Variants in IRAK1BP1 observed in about 807,000 individuals in gnomAD.
The protein encoded by IRAK1BP1 is interleukin-1 receptor-associated kinase 1-binding protein 1.
IRAK1BP1 carries 24 observed loss-of-function variants against 28.0 expected under a neutral mutation model. That is an observed-to-expected ratio of 0.86 (90% CI 0.62 to 1.20). The LOEUF (loss-of-function observed/expected upper bound fraction) is 1.20, where lower values mean the gene tolerates loss of function less well. IRAK1BP1 is among the 50% of genes most tolerant of loss of function. IRAK1BP1 has a pLI of 0.00. For synonymous variants in IRAK1BP1, 131 were observed against 116.3 expected, an observed-to-expected ratio of 1.13 and a Z score of -0.81; for missense variants, 336 against 316.7, an observed-to-expected ratio of 1.06 and a Z score of -0.46.
chr6:78,871,456 A>T, intron 1 of IRAK1BP1: 1 of 985,548 alleles, frequency 1.0e-6, no homozygotes, highest in Non-Finnish European at 1.2e-6. Context: ...ACAACAGACC[A>T]CCTCAGCCAC....
At position 78,893,272 on chromosome 6, in the gene IRAK1BP1, G is replaced by GTA. The variant is rs1413582870; in HGVS notation, c.382-4549_382-4548dup. Among the ~76,000 whole-genome samples the GTA allele has an allele frequency of 1.4e-4, 17 of 121,438 alleles. 1 individual carries two copies. The highest frequency in any genetic ancestry group is 8.8e-4 in the East Asian group (3 of 3,410). 79.7% of individuals were successfully genotyped at this position (121,438 alleles called of 152,430 possible). On this transcript the variant is annotated intron_variant, in intron 2 of 3. Transcript: ENST00000369940. ...TGCCACATCTTTAAAACTAAAAGGT[G>GTA]TATATATATGTGTGTATATATGTGT...
intron 2 of IRAK1BP1, among the ~76,000 whole-genome samples, chr6:78,896,639 G>T (rs1373137210): frequency 6.6e-6 from 1 of 151,930 alleles, no homozygotes; most frequent in Non-Finnish European, 1.5e-5. Flanking sequence ...TGTTATGGTG[G>T]TTACAAAGTT....
intron 4 of IRAK1BP1, among the ~76,000 whole-genome samples, chr6:78,923,848 T>C (rs1160610697): frequency 6.6e-6 from 1 of 152,082 alleles, no homozygotes; most frequent in Non-Finnish European, 1.5e-5. Context: ...AAGGCAGAAA[T>C]AAAGATGTTC....
At chr6:78,978,536 A>T in the IRAK1BP1 span, 1 of 1,436,766 alleles carries the variant, frequency 7.0e-7, no homozygotes, top group Middle Eastern at 1.8e-4. Flanking sequence ...AAGAGCTGTT[A>T]AAAAATGTTT....
intron 1 of IRAK1BP1, among the ~76,000 whole-genome samples, chr6:78,884,796 CAA>C (rs899022582): frequency 2.0e-5 from 3 of 152,064 alleles, no homozygotes; most frequent in Non-Finnish European, 4.4e-5. Context: ...CACTGACACT[CAA>C]CATTAAGTAT....
intron 2 of IRAK1BP1, among the ~76,000 whole-genome samples, chr6:78,886,842 C>G (rs1027830538): frequency 6.6e-6 from 1 of 152,132 alleles, no homozygotes; most frequent in Non-Finnish European, 1.5e-5. Flanking sequence ...AAACTCTGCT[C>G]CTCTTCCTTC....
chr6:78,970,986 T>C, the IRAK1BP1 span: 1 of 733,378 alleles, frequency 1.4e-6, no homozygotes, highest in South Asian at 1.8e-5. Flanking sequence ...TCTAATGCCT[T>C]TTCAGCTAAT....
downstream of IRAK1BP1, among the ~76,000 whole-genome samples, chr6:78,904,072 T>TA (rs1488056499): frequency 1.3e-5 from 2 of 152,216 alleles, no homozygotes; most frequent in Non-Finnish European, 2.9e-5. Flanking sequence ...ATAAGACAGA[T>TA]ACTGTTTATG....
the IRAK1BP1 span, among the ~76,000 whole-genome samples, chr6:78,962,131 T>A: frequency 2.0e-5 from 3 of 152,184 alleles, no homozygotes. Flanking sequence ...GAATCTATAT[T>A]TGGCAAAGCC....
At chr6:78,917,413 G>A (rs184106357) in intron 4 of IRAK1BP1, among the ~76,000 whole-genome samples, 18 of 152,054 alleles carry the variant, frequency 1.2e-4, no homozygotes, top group Admixed American at 3.3e-4. Context: ...GAGAAGTATG[G>A]AATAACGTAC....
chr6:78,965,232 T>C, the IRAK1BP1 span, among the ~76,000 whole-genome samples: 1 of 152,228 alleles, frequency 6.6e-6, no homozygotes, highest in Admixed American at 6.5e-5. Context: ...AGGAAGGTAT[T>C]AGCTTTGACG....
intron 4 of IRAK1BP1, among the ~76,000 whole-genome samples, chr6:78,921,866 G>C (rs7750836): frequency 0.26 from 39,947 of 152,154 alleles, 5,576 homozygotes; most frequent in Non-Finnish European, 0.31. Flanking sequence ...TGAGGGTCCT[G>C]ACTGTTCGAA....
the IRAK1BP1 span, among the ~76,000 whole-genome samples, chr6:78,970,470 A>C: frequency 1.3e-5 from 2 of 152,296 alleles, no homozygotes; most frequent in South Asian, 4.1e-4. Flanking sequence ...TAACTGAACT[A>C]CTGATGACAA....
downstream of IRAK1BP1, chr6:78,946,792 CGAA>C: frequency 6.3e-7 from 1 of 1,590,216 alleles, no homozygotes; most frequent in Non-Finnish European, 8.6e-7. Context: ...TTTATGAAAA[CGAA>C]GAGCAGATTT....
intron 4 of IRAK1BP1, among the ~76,000 whole-genome samples, chr6:78,933,967 C>G (rs552853240): frequency 2.0e-5 from 3 of 152,170 alleles, no homozygotes; most frequent in Admixed American, 6.6e-5. Context: ...TTTTGACATG[C>G]CTTTTTCACT....
At chr6:78,966,151 G>C in the IRAK1BP1 span, 1 of 748,498 alleles carries the variant, frequency 1.3e-6, no homozygotes, top group Non-Finnish European at 2.4e-6. Context: ...TAAACTGCCT[G>C]TATGATTTCA....
At chr6:78,977,414 T>A in the IRAK1BP1 span, among the ~76,000 whole-genome samples, 9 of 152,094 alleles carry the variant, frequency 5.9e-5, no homozygotes, top group Non-Finnish European at 1.0e-4. Flanking sequence ...TTGGGAGATA[T>A]ACCTAATGCT....
At chr6:78,918,862 G>T (rs965838747) in intron 4 of IRAK1BP1, among the ~76,000 whole-genome samples, 1 of 152,070 alleles carries the variant, frequency 6.6e-6, no homozygotes, top group South Asian at 2.1e-4. Context: ...GATGTAATAG[G>T]CACTACAGAA....
chr6:78,971,751 CAAAG>C, the IRAK1BP1 span, among the ~76,000 whole-genome samples: 1 of 152,174 alleles, frequency 6.6e-6, no homozygotes, highest in Admixed American at 6.5e-5. Flanking sequence ...CTTTCCTAAT[CAAAG>C]AAAGGGGTGA....
Sources: gnomAD v4.1 joint callset for allele counts (sites outside exome capture counted in the v4.1 genomes callset) on GRCh38, gnomAD v4.1.1 for gene constraint, MANE v1.5 for transcripts, NCBI Gene and HGNC (gene_info 2026-07-23, HGNC 2026-07-21) for gene names.